The following HS6ST3 variants were observed in gnomAD, a reference collection of about 807,000 sequenced individuals.
HS6ST3 encodes heparan-sulfate 6-O-sulfotransferase 3.
A neutral mutation model predicts 36.7 loss-of-function variants in HS6ST3; 12 were observed. The observed-to-expected ratio is 0.33, with a 90% confidence interval of 0.21 to 0.53. The LOEUF is 0.53. HS6ST3 is among the 20% of genes least tolerant of loss of function. The pLI is 0.95. For missense variants in HS6ST3, 584 were observed against 640.9 expected, an observed-to-expected ratio of 0.91 and a Z score of 0.96; for synonymous variants, 240 against 257.5, an observed-to-expected ratio of 0.93 and a Z score of 0.65.
chr13:96,435,660 T>C (rs1315440640), intron 1 of HS6ST3, among the ~76,000 whole-genome samples: 1 of 152,172 alleles, frequency 6.6e-6, no homozygotes, highest in Non-Finnish European at 1.5e-5. Context: ...GATGGAGAAT[T>C]CCCTCATTCC....
At chr13:96,515,610 A>G (rs1003307367) in intron 1 of HS6ST3, among the ~76,000 whole-genome samples, 9 of 152,154 alleles carry the variant, frequency 5.9e-5, no homozygotes, top group African/African-American at 2.2e-4. Flanking sequence ...GTTGAATTGT[A>G]ATCCCCATAA....
chr13:96,716,331 G>T (rs537621546), intron 1 of HS6ST3, among the ~76,000 whole-genome samples: 1 of 152,112 alleles, frequency 6.6e-6, no homozygotes, highest in South Asian at 2.1e-4. Context: ...ATAAACTACT[G>T]AAAAGCATAA....
At chr13:96,457,051 A>G (rs1010290030) in intron 1 of HS6ST3, among the ~76,000 whole-genome samples, 1 of 152,144 alleles carries the variant, frequency 6.6e-6, no homozygotes, top group Non-Finnish European at 1.5e-5. Context: ...TAGGTAAAAA[A>G]TATTGATCTA....
At chr13:96,198,319 G>T (rs2054324271) in intron 1 of HS6ST3, among the ~76,000 whole-genome samples, 1 of 152,174 alleles carries the variant, frequency 6.6e-6, no homozygotes, top group Non-Finnish European at 1.5e-5. Context: ...CTCTGATGTG[G>T]CCTGGAGTCA....
chr13:96,620,336 GC>G (rs138100465), intron 1 of HS6ST3, among the ~76,000 whole-genome samples: 1,845 of 152,262 alleles, frequency 0.012, 32 homozygotes, highest in African/African-American at 0.042. Flanking sequence ...GACTGTTAGA[GC>G]CCAAGAGGCT....
At position 96,464,138 on chromosome 13, in the gene HS6ST3, C is replaced by CAAAAAAAAAAAA. The variant is rs67305199; in HGVS notation, c.708-368340_708-368329dup. The stretch of plus-strand genomic sequence containing the variant: ...TCCTCAGGAAAGGACTGTCAGGCCT[C>CAAAAAAAAAAAA]AAAAAAAAAAAAAAAAAAAAAAATC... On this transcript the variant is annotated intron_variant, in intron 1 of 1. Transcript: ENST00000376705. 2.3e-4 allele frequency among the ~76,000 whole-genome samples: 9 copies of CAAAAAAAAAAAA among 38,786 alleles called. 1 individual carries two copies. The highest frequency in any genetic ancestry group is 4.5e-4 in the Non-Finnish European group (9 of 19,902). 25.4% of individuals were successfully genotyped at this position (38,786 alleles called of 152,430 possible). A position where few individuals can be genotyped will look rare whatever the true frequency, so the allele number is the denominator to read the frequency against.
rs192958087 is a variant in HS6ST3 at position 96,226,531 on chromosome 13, A to G, written c.707+134962A>G. Among the ~76,000 whole-genome samples, 202 of 152,252 alleles carry G rather than the reference A, an allele frequency of 1.3e-3. 1 individual carries two copies. Among genetic ancestry groups the G allele is most frequent in the Non-Finnish European group, 2.6e-3 (178 of 68,028 alleles). On this transcript the variant is annotated intron_variant, in intron 1 of 1. Transcript: ENST00000376705. ...GCGAAACTCCATCTCAAAAAATAAT[A>G]ATAATAATAATAAAGAAATTAAGAC...
chr13:96,167,900 A>G (rs558386316), intron 1 of HS6ST3, among the ~76,000 whole-genome samples: 37 of 152,308 alleles, frequency 2.4e-4, no homozygotes, highest in African/African-American at 8.7e-4. Context: ...GTGCTGGATG[A>G]TGATTAAGAT....
chr13:96,389,855 G>C (rs989622528), intron 1 of HS6ST3, among the ~76,000 whole-genome samples: 1 of 152,096 alleles, frequency 6.6e-6, no homozygotes, highest in Admixed American at 6.6e-5. Context: ...ATCCTAGGCC[G>C]TTGCTTTTTC....
chr13:96,717,050 C>T (rs2138465620), intron 1 of HS6ST3, among the ~76,000 whole-genome samples: 1 of 152,290 alleles, frequency 6.6e-6, no homozygotes, highest in Non-Finnish European at 1.5e-5. Flanking sequence ...GGAAAATGCA[C>T]AGAAACAGGG....
At chr13:96,419,584 G>A (rs547588822) in intron 1 of HS6ST3, among the ~76,000 whole-genome samples, 3 of 152,150 alleles carry the variant, frequency 2.0e-5, no homozygotes, top group Non-Finnish European at 4.4e-5. Context: ...CCATAACAAA[G>A]TACCACAAAC....
At chr13:96,236,865 A>G (rs1031649761) in intron 1 of HS6ST3, among the ~76,000 whole-genome samples, 3 of 152,144 alleles carry the variant, frequency 2.0e-5, no homozygotes, top group Non-Finnish European at 4.4e-5. Context: ...CAGCTGGTGT[A>G]TTACTCCATT....
intron 1 of HS6ST3, among the ~76,000 whole-genome samples, chr13:96,423,194 C>T (rs989545076): frequency 3.3e-5 from 5 of 152,196 alleles, no homozygotes; most frequent in African/African-American, 4.8e-5. Context: ...CATTCTAATT[C>T]GGGTATTTTA....
chr13:96,631,930 C>T (rs1046552435), intron 1 of HS6ST3, among the ~76,000 whole-genome samples: 1 of 152,140 alleles, frequency 6.6e-6, no homozygotes, highest in Admixed American at 6.5e-5. Context: ...GCAGATGTGT[C>T]TGGAAATCTA....
At chr13:96,691,162 G>A (rs1874946084) in intron 1 of HS6ST3, among the ~76,000 whole-genome samples, 1 of 152,126 alleles carries the variant, frequency 6.6e-6, no homozygotes, top group Non-Finnish European at 1.5e-5. Context: ...CTGACATAAG[G>A]AGGGGGTGTT....
At chr13:96,515,502 C>T (rs899082705) in intron 1 of HS6ST3, among the ~76,000 whole-genome samples, 3 of 152,196 alleles carry the variant, frequency 2.0e-5, no homozygotes, top group African/African-American at 7.2e-5. Flanking sequence ...GAAGCCTTTT[C>T]CCTGATCTGC....
chr13:96,684,281 A>G (rs1310685894), intron 1 of HS6ST3, among the ~76,000 whole-genome samples: 1 of 151,946 alleles, frequency 6.6e-6, no homozygotes, highest in Non-Finnish European at 1.5e-5. Context: ...CATGTTCCAA[A>G]AGTTGGTCTG....
At chr13:96,494,963 C>T (rs899270871) in intron 1 of HS6ST3, among the ~76,000 whole-genome samples, 20 of 152,186 alleles carry the variant, frequency 1.3e-4, no homozygotes, top group African/African-American at 4.6e-4. Flanking sequence ...AATCTGGCTT[C>T]GTGTGCCTAA....
chr13:96,237,201 C>G (rs2099551884), intron 1 of HS6ST3, among the ~76,000 whole-genome samples: 1 of 152,202 alleles, frequency 6.6e-6, no homozygotes, highest in South Asian at 2.1e-4. Flanking sequence ...GGTGGGAACA[C>G]AGCCAAATCA....
Sources: allele counts gnomAD v4.1 joint callset (sites outside exome capture counted in the v4.1 genomes callset), GRCh38; gene constraint gnomAD v4.1.1; transcripts MANE v1.5; gene names NCBI Gene and HGNC (gene_info 2026-07-23, HGNC 2026-07-21).